The following PPM1K variants were observed in gnomAD, a reference collection of about 807,000 sequenced individuals.
The protein encoded by PPM1K is protein phosphatase Mn(2+)-dependent 1K.
Under a neutral mutation model 32.6 loss-of-function variants are expected in PPM1K, and 19 were observed. The observed-to-expected ratio is 0.58, with a 90% CI of 0.41 to 0.86. The LOEUF (loss-of-function observed/expected upper bound fraction) is 0.86, where lower values mean the gene tolerates loss of function less well. PPM1K is among the 40% of genes least tolerant of loss of function. The pLI is 0.00. For synonymous variants in PPM1K, 159 were observed against 165.3 expected, an observed-to-expected ratio of 0.96 and a Z score of 0.29; for missense variants, 362 against 461.2, an observed-to-expected ratio of 0.78 and a Z score of 1.97.
At chr4:88,282,090 C>T (rs1175301077) in intron 1 of PPM1K, among the ~76,000 whole-genome samples, 2 of 152,114 alleles carry the variant, frequency 1.3e-5, no homozygotes, top group Non-Finnish European at 2.9e-5. Context: ...CATTATTCCA[C>T]AAACTAAGAG....
chr4:88,262,608 C>T lies in PPM1K; in HGVS notation c.1106G>A (p.Gly369Glu). 6.2e-7 allele frequency: 1 copy of T among 1,614,006 alleles called. No individual in the cohort carries two copies. The highest frequency in any genetic ancestry group is 2.2e-5 in the East Asian group (1 of 44,888). The change falls in exon 7 of 7, where the codon GGA becomes GAA. Residue 369 changes from glycine (G) to glutamate (E), a missense_variant. Physicochemically the swap from Gly to Glu is moderately conservative, Grantham distance 98. Coordinates refer to ENST00000608933, the MANE Select transcript of PPM1K (RefSeq NM_152542.5). The part of the protein sequence containing the change: ...FSFSRSFASS[G>E]RWA ...CCCAGCTGGTAATCAGGCCCATCGT[C>T]CACTGGAGGCAAAGCTTCTGCTGAA...
At position 88,268,238 on chromosome 4, in the gene PPM1K, G is replaced by A. The variant is rs1351464547; in HGVS notation, c.804C>T (p.Asp268=). The A allele has an allele frequency of 3.7e-6, 6 of 1,614,064 alleles. No homozygotes were observed. The South Asian group carries it at 6.6e-5, about 18-fold the overall frequency. ...LAMTRSIGDL[D]LKTSGVIAEP... ...CTGCTATGACACCACTGGTCTTAAG[G>A]TCCAAATCTCCAATACTTCTTGTCA... Residue 268 remains aspartate (D), a synonymous_variant, in exon 5 of 7, where the codon GAC becomes GAT. Transcript: ENST00000608933.
chr4:88,270,904 C>A, intron 3 of PPM1K: 1 of 286,600 alleles, frequency 3.5e-6, no homozygotes, highest in African/African-American at 2.2e-5. Flanking sequence ...CATTCATTTT[C>A]ATTTAACATT....
At position 88,278,263 on chromosome 4, in the gene PPM1K, A is replaced by G. The variant is rs1731867697; in HGVS notation, c.321T>C (p.Asn107=). The change falls in exon 2 of 7, where the codon AAT becomes AAC. Residue 107 remains asparagine (N), a synonymous_variant. Coordinates refer to ENST00000608933, the MANE Select transcript of PPM1K (RefSeq NM_152542.5). The surrounding 1 kb of genome is among the most constrained non-coding windows in gnomAD (Gnocchi z 4.2). ...CASQIGKRKE[N]EDRFDFAQLT... ...GCTGAGCGAAGTCAAACCGATCTTC[A>G]TTCTCTTTCCGTTTGCCAATCTGTG... The G allele has an allele frequency of 3.1e-6, 5 of 1,614,186 alleles. No homozygotes were observed. Among genetic ancestry groups the G allele is most frequent in the Non-Finnish European group, 4.2e-6 (5 of 1,180,028 alleles).
chr4:88,264,019 C>T (rs375596231), intron 6 of PPM1K, among the ~76,000 whole-genome samples: 1 of 152,280 alleles, frequency 6.6e-6, no homozygotes, highest in East Asian at 1.9e-4. Context: ...GCATTCATTA[C>T]AAATTTCATT....
Position 88,276,695 on chromosome 4 carries a change from A to AT in PPM1K, c.541+447dup, listed in dbSNP as rs202155888. 589 of 984,014 alleles carry AT rather than the reference A, an allele frequency of 6.0e-4. 4 individuals are homozygous for AT. In the African/African-American group the frequency reaches 9.8e-3, roughly 16 times the overall value. The allele number at this position is 984,014 out of a possible 1,614,324, so 61.0% of individuals were successfully genotyped here. A position where few individuals can be genotyped will look rare whatever the true frequency, so the allele number is the denominator to read the frequency against. On this transcript the variant is annotated intron_variant, in intron 3 of 6. Transcript: ENST00000608933. The stretch of plus-strand genomic sequence containing the variant: ...TTTTTCTATTTAGGACCTATTTGCA[A>AT]TTTTTTTCTTGTTGGACAATGACTG...
In PPM1K at chr4:88,257,928, A is replaced by G. The variant is rs1730966417; in HGVS notation, c.*4667T>C. The G allele has an allele frequency of 6.6e-6, 1 of 152,226 alleles. No individual in the cohort carries two copies. Among genetic ancestry groups the G allele is most frequent in the Admixed American group, 6.5e-5 (1 of 15,284 alleles). The allele number at this position is 152,226 out of a possible 1,614,324, so 9.4% of individuals were successfully genotyped here. ...GAAGAACTCCATGATTTCACAGCCTAGAACACTAAGTATGACCACCAACGC... is the reference window on the plus strand; with the variant it reads ...GAAGAACTCCATGATTTCACAGCCTGGAACACTAAGTATGACCACCAACGC... On this transcript the variant is annotated 3_prime_UTR_variant, in exon 7 of 7. Coordinates refer to ENST00000608933, the MANE Select transcript of PPM1K (RefSeq NM_152542.5).
At position 88,268,351 on chromosome 4, in the gene PPM1K, G is replaced by A; in HGVS notation, c.708-17C>T. On this transcript the variant is annotated splice_polypyrimidine_tract_variant and intron_variant, in intron 4 of 6. Transcript: ENST00000608933. Reference sequence around the variant, plus strand: ...TTCTTGATCCTGTTAAAAGTTAAATGACAATGGTGTGATATGTAGAAAACC... The same window carrying A: ...TTCTTGATCCTGTTAAAAGTTAAATAACAATGGTGTGATATGTAGAAAACC... The A allele has an allele frequency of 6.2e-7, 1 of 1,614,136 alleles. No homozygotes were observed. The highest frequency in any genetic ancestry group is 2.2e-5 in the East Asian group (1 of 44,890).
At position 88,276,037 on chromosome 4, in the gene PPM1K, A is replaced by G. The variant is rs555979111; in HGVS notation, c.541+1106T>C. 16 of 985,324 alleles carry G rather than the reference A, an allele frequency of 1.6e-5. No individual in the cohort carries two copies. The Admixed American group carries it at 1.8e-4, about 11-fold the overall frequency. The allele number at this position is 985,324 out of a possible 1,614,324, so 61.0% of individuals were successfully genotyped here. ...GGAGTGTGATAGTAAGGTTCTCAAA[A>G]AAAGCTCAGGAAAAAATCTCAAGAT... On this transcript the variant is annotated intron_variant, in intron 3 of 6. Transcript: ENST00000608933.
rs1026869333 is a variant in PPM1K at position 88,257,757 on chromosome 4, C to T, written c.*4838G>A. Reference sequence around the variant, plus strand: ...AATTACATTAACTCACTGCAGGAGTCATTATACACTCAGGTAGTACTTTGG... The same window carrying T: ...AATTACATTAACTCACTGCAGGAGTTATTATACACTCAGGTAGTACTTTGG... On this transcript the variant is annotated 3_prime_UTR_variant, in exon 7 of 7. Coordinates refer to ENST00000608933, the MANE Select transcript of PPM1K (RefSeq NM_152542.5). 6.6e-6 allele frequency: 1 copy of T among 152,166 alleles called. No homozygotes were observed. Among genetic ancestry groups the T allele is most frequent in the Non-Finnish European group, 1.5e-5 (1 of 68,034 alleles). The allele number at this position is 152,166 out of a possible 1,614,324, so 9.4% of individuals were successfully genotyped here. A position where few individuals can be genotyped will look rare whatever the true frequency, so the allele number is the denominator to read the frequency against.
chr4:88,278,058 T>C lies in PPM1K; in HGVS notation c.440+86A>G. On this transcript the variant is annotated intron_variant, in intron 2 of 6. Coordinates refer to ENST00000608933, the MANE Select transcript of PPM1K (RefSeq NM_152542.5). This position sits in a 1 kb window ranked among gnomAD's most constrained non-coding sequence, Gnocchi z 4.2. ...ATGCAACCACTCAAGTAACTATGTT[T>C]ACGCTGGAAGCCTCAGCCAAAGGGT... 1 of 1,112,516 alleles carries C rather than the reference T, an allele frequency of 9.0e-7. No homozygotes were observed. The highest frequency in any genetic ancestry group is 1.5e-5 in the South Asian group (1 of 64,722). The allele number at this position is 1,112,516 out of a possible 1,614,324, so 68.9% of individuals were successfully genotyped here. A position where few individuals can be genotyped will look rare whatever the true frequency, so the allele number is the denominator to read the frequency against.
At chr4:88,281,871 T>A (rs924755005) in intron 1 of PPM1K, among the ~76,000 whole-genome samples, 2 of 152,056 alleles carry the variant, frequency 1.3e-5, no homozygotes, top group Non-Finnish European at 2.9e-5. Context: ...TCTGCCATCA[T>A]AGACCCCACA....
intron 4 of PPM1K, 24 bp from the exon 5 acceptor site, chr4:88,268,358 G>A (rs755144797): frequency 6.2e-7 from 1 of 1,613,950 alleles, no homozygotes; most frequent in Non-Finnish European, 8.5e-7. Context: ...AATGACAATG[G>A]TGTGATATGT....
In PPM1K at chr4:88,276,644, C is replaced by A. The variant is rs894527506; in HGVS notation, c.541+499G>T. On this transcript the variant is annotated intron_variant, in intron 3 of 6. Transcript: ENST00000608933. ...GAAAAATATTTTCCTTCTAGTTATA[C>A]AAATTAGTGCATATTAACCATTGTC... 3 of 984,714 alleles carry A rather than the reference C, an allele frequency of 3.0e-6. No individual in the cohort carries two copies. In the East Asian group the frequency reaches 3.4e-4, roughly 112 times the overall value. 61.0% of individuals were successfully genotyped at this position (984,714 alleles called of 1,614,324 possible). A position where few individuals can be genotyped will look rare whatever the true frequency, so the allele number is the denominator to read the frequency against.
At chr4:88,272,106 ATAC>A (rs1399256896) in intron 3 of PPM1K, among the ~76,000 whole-genome samples, 1 of 152,230 alleles carries the variant, frequency 6.6e-6, no homozygotes, top group African/African-American at 2.4e-5. Flanking sequence ...TGTGTAAATA[ATAC>A]TATGTATAAA....
intron 3 of PPM1K, chr4:88,275,687 A>G (rs1271738559): frequency 1.0e-6 from 1 of 985,304 alleles, no homozygotes; most frequent in Non-Finnish European, 1.2e-6. Context: ...GTCAACAAAC[A>G]TTGTGGTGTG....
intron 1 of PPM1K, among the ~76,000 whole-genome samples, chr4:88,281,491 GC>G (rs902275645): frequency 1.9e-4 from 29 of 152,106 alleles, no homozygotes; most frequent in African/African-American, 6.5e-4. Context: ...CTAAAAACCT[GC>G]GTATTTTAAA....
Position 88,262,393 on chromosome 4 carries a change from A to T in PPM1K, c.*202T>A, listed in dbSNP as rs796194039. On this transcript the variant is annotated 3_prime_UTR_variant, in exon 7 of 7. Coordinates refer to ENST00000608933, the MANE Select transcript of PPM1K (RefSeq NM_152542.5). ...CTCTTTCCATTTAAAGACTCACAGT[A>T]GCTTCACTACACATATATTTATACT... is the stretch of plus-strand genomic sequence containing the variant. The T allele has an allele frequency of 7.0e-5, 33 of 468,496 alleles. No individual in the cohort carries two copies. The highest frequency in any genetic ancestry group is 5.6e-4 in the South Asian group (17 of 30,224). The allele number at this position is 468,496 out of a possible 1,614,324, so 29.0% of individuals were successfully genotyped here. A position where few individuals can be genotyped will look rare whatever the true frequency, so the allele number is the denominator to read the frequency against.
intron 4 of PPM1K, 152 bp from the exon 5 acceptor site, chr4:88,268,486 T>C: frequency 4.4e-6 from 4 of 909,434 alleles, no homozygotes; most frequent in Non-Finnish European, 6.7e-6. Flanking sequence ...CCGAGCGTGT[T>C]GGCAGGCGCC....
Sources: gnomAD v4.1 joint callset for allele counts (sites outside exome capture counted in the v4.1 genomes callset) on GRCh38, gnomAD v4.1.1 for gene constraint, Gnocchi (gnomAD v3.1) non-coding constraint, MANE v1.5 for transcripts, NCBI Gene and HGNC (gene_info 2026-07-23, HGNC 2026-07-21) for gene names.